Variants in STXBP5 observed in about 807,000 individuals in gnomAD.
The protein encoded by STXBP5 is syntaxin binding protein 5.
STXBP5 carries 50 observed loss-of-function variants against 152.4 expected under a neutral mutation model. The ratio of observed to expected loss-of-function variants is 0.33; its 90% CI spans 0.26 to 0.42. The LOEUF (loss-of-function observed/expected upper bound fraction) is 0.42, where lower values mean the gene tolerates loss of function less well. Among genes scored for constraint, STXBP5 ranks in the 10% least tolerant of loss-of-function variants. The pLI is 1.00. For synonymous variants in STXBP5, 492 were observed against 494.7 expected (o/e 0.99, Z 0.07); for missense variants, 1,167 against 1,388.6 (o/e 0.84, Z 2.54).
chr6:147,366,534 G>A (rs1785298521), intron 25 of STXBP5, among the ~76,000 whole-genome samples: 1 of 152,128 alleles, frequency 6.6e-6, no homozygotes, highest in Non-Finnish European at 1.5e-5. Flanking sequence ...TTTGTTTCTA[G>A]GAGCTGCTGG....
At chr6:147,307,511 A>C (rs1285148029) in intron 9 of STXBP5, among the ~76,000 whole-genome samples, 1 of 152,134 alleles carries the variant, frequency 6.6e-6, no homozygotes, top group East Asian at 1.9e-4. Context: ...TGAAGTGCTA[A>C]AATATTGAAC....
At chr6:147,316,733 A>G (rs1782663541) in intron 16 of STXBP5, among the ~76,000 whole-genome samples, 1 of 151,182 alleles carries the variant, frequency 6.6e-6, no homozygotes, top group African/African-American at 2.4e-5. Flanking sequence ...GCTTGGATTT[A>G]TGTTCCGACT....
In STXBP5 at chr6:147,316,334, A is replaced by T; in HGVS notation, c.1729A>T (p.Ile577Phe). Reference sequence around the variant, plus strand: ...CGTGGGAGGGTCCAACCCTCAGCCCATCCCTCCTCAGTCTCATCCATCTAC... The same window carrying T: ...CGTGGGAGGGTCCAACCCTCAGCCCTTCCCTCCTCAGTCTCATCCATCTAC... The part of the protein sequence containing the change: ...TPVGGSNPQP[I>F]PPQSHPSTSS... Residue 577 changes from isoleucine (I) to phenylalanine (F), a missense_variant, in exon 16 of 28, where the codon ATC (isoleucine) becomes TTC (phenylalanine). Coordinates refer to ENST00000321680, the MANE Select transcript of STXBP5 (RefSeq NM_001127715.4). 1 of 1,612,670 alleles carries T rather than the reference A, an allele frequency of 6.2e-7. No individual in the cohort carries two copies. Among genetic ancestry groups the T allele is most frequent in the Non-Finnish European group, 8.5e-7 (1 of 1,179,452 alleles).
At chr6:147,221,744 CTT>C (rs1344198903) in intron 2 of STXBP5, among the ~76,000 whole-genome samples, 4 of 136,278 alleles carry the variant, frequency 2.9e-5, no homozygotes, top group Non-Finnish European at 4.9e-5. Flanking sequence ...GTGTAGCTTT[CTT>C]TTTTTTTTTA....
intron 2 of STXBP5, among the ~76,000 whole-genome samples, chr6:147,217,143 G>A (rs1045929307): frequency 2.0e-5 from 3 of 152,056 alleles, no homozygotes; most frequent in East Asian, 1.9e-4. Context: ...AAATCTGGCC[G>A]CATCAGCTAT....
At chr6:147,345,830 G>A (rs1390482919) in intron 21 of STXBP5, among the ~76,000 whole-genome samples, 1 of 152,174 alleles carries the variant, frequency 6.6e-6, no homozygotes, top group Non-Finnish European at 1.5e-5. Flanking sequence ...TGTTGGTATT[G>A]AAATTTGCAT....
At chr6:147,215,626 C>T (rs998785770) in intron 2 of STXBP5, among the ~76,000 whole-genome samples, 1 of 152,192 alleles carries the variant, frequency 6.6e-6, no homozygotes, top group African/African-American at 2.4e-5. Flanking sequence ...AAACCATCCG[C>T]CCACCTCAGC....
intron 21 of STXBP5, among the ~76,000 whole-genome samples, chr6:147,348,238 A>C (rs1468635481): frequency 6.6e-6 from 1 of 152,152 alleles, no homozygotes; most frequent in Non-Finnish European, 1.5e-5. Flanking sequence ...GATACTGCAC[A>C]GTTCTTCTGC....
chr6:147,280,930 T>C (rs1780671346), intron 8 of STXBP5, among the ~76,000 whole-genome samples: 1 of 152,200 alleles, frequency 6.6e-6, no homozygotes, highest in African/African-American at 2.4e-5. Context: ...CAGAATTTTA[T>C]ATAAAGTAAG....
intron 19 of STXBP5, among the ~76,000 whole-genome samples, chr6:147,338,570 T>C (rs1443989117): frequency 1.3e-5 from 2 of 151,980 alleles, no homozygotes; most frequent in East Asian, 3.9e-4. Flanking sequence ...TAAGATTATA[T>C]GATAATATTG....
At position 147,314,174 on chromosome 6, in the gene STXBP5, GGAT is replaced by G; in HGVS notation, c.1294-89_1294-87del. ...TTGCAAGCAAAATATGTTTTTCACT[GGAT>G]TATTTACACACACACACACACACAC... On this transcript the variant is annotated intron_variant, in intron 12 of 27. Transcript: ENST00000321680. The G allele has an allele frequency of 3.0e-6, 4 of 1,346,902 alleles. No homozygotes were observed. In the South Asian group the frequency reaches 5.2e-5, roughly 17 times the overall value. The allele number at this position is 1,346,902 out of a possible 1,614,324, so 83.4% of individuals were successfully genotyped here. A position where few individuals can be genotyped will look rare whatever the true frequency, so the allele number is the denominator to read the frequency against.
chr6:147,254,377 G>A (rs1484116661), intron 4 of STXBP5, among the ~76,000 whole-genome samples: 1 of 152,114 alleles, frequency 6.6e-6, no homozygotes, highest in Admixed American at 6.5e-5. Context: ...CAGGACATAG[G>A]AATGGGCAAA....
intron 16 of STXBP5, among the ~76,000 whole-genome samples, chr6:147,323,628 G>C (rs1196622708): frequency 6.6e-6 from 1 of 152,148 alleles, no homozygotes; most frequent in East Asian, 1.9e-4. Flanking sequence ...TTGACCTTAA[G>C]TGATCTGCCC....
chr6:147,321,575 A>G (rs1782937928), intron 16 of STXBP5, among the ~76,000 whole-genome samples: 1 of 152,154 alleles, frequency 6.6e-6, no homozygotes, highest in South Asian at 2.1e-4. Context: ...CTGTCTCTTA[A>G]AAAAAGAGGT....
At chr6:147,341,811 AATG>A (rs1277235863) in intron 21 of STXBP5, among the ~76,000 whole-genome samples, 2 of 152,076 alleles carry the variant, frequency 1.3e-5, no homozygotes, top group Non-Finnish European at 2.9e-5. Context: ...CTGAGACTAT[AATG>A]ATAAGCTTTT....
Position 147,204,485 on chromosome 6 carries a change from AC to A in STXBP5, c.-43del. 1 of 1,593,682 alleles carries A rather than the reference AC, an allele frequency of 6.3e-7. No homozygotes were observed. Among genetic ancestry groups the A allele is most frequent in the Non-Finnish European group, 8.5e-7 (1 of 1,171,794 alleles). On this transcript the variant is annotated 5_prime_UTR_variant, in exon 1 of 28. Coordinates refer to ENST00000321680, the MANE Select transcript of STXBP5 (RefSeq NM_001127715.4). This position sits in a 1 kb window ranked among gnomAD's most constrained non-coding sequence, Gnocchi z 4.3. Reference sequence around the variant, plus strand: ...CCCGGGTGGTCTCCCCCGCCCGGGGACCCCCTGTGCCTCCCCTCCCGGGCTG... The same window carrying A: ...CCCGGGTGGTCTCCCCCGCCCGGGGACCCCTGTGCCTCCCCTCCCGGGCTG...
intron 18 of STXBP5, chr6:147,328,706 G>A: frequency 2.1e-6 from 1 of 470,700 alleles, no homozygotes; most frequent in South Asian, 1.6e-5. Flanking sequence ...AAGGTGTGCT[G>A]ATTGTGACTT....
chr6:147,274,021 A>AT lies in STXBP5; in HGVS notation c.715-4051dup, dbSNP rs371814000. ...CAGGAATCATAACAGCTTTAAATGA[A>AT]TTTTTTTTTGCACTGTGTATATTCA... On this transcript the variant is annotated intron_variant, in intron 7 of 27. Transcript: ENST00000321680. Among the ~76,000 whole-genome samples the AT allele has an allele frequency of 9.5e-3, 1,439 of 151,072 alleles. 15 individuals are homozygous for AT. The highest frequency in any genetic ancestry group is 0.033 in the African/African-American group (1,353 of 41,202).
intron 2 of STXBP5, among the ~76,000 whole-genome samples, chr6:147,220,354 T>C (rs1777397944): frequency 6.6e-6 from 1 of 152,174 alleles, no homozygotes; most frequent in Non-Finnish European, 1.5e-5. Context: ...TTTGCTGTTA[T>C]TGGATAACGT....
Sources: allele counts gnomAD v4.1 joint callset (sites outside exome capture counted in the v4.1 genomes callset), GRCh38; gene constraint gnomAD v4.1.1; non-coding constraint Gnocchi (gnomAD v3.1); transcripts MANE v1.5; gene names NCBI Gene and HGNC (gene_info 2026-07-23, HGNC 2026-07-21).